Variants in RAD17 observed in about 807,000 individuals in gnomAD.
RAD17 encodes cell cycle checkpoint protein RAD17.
A neutral mutation model predicts 81.5 loss-of-function variants in RAD17; 31 were observed. That is an observed-to-expected ratio of 0.38 (90% CI 0.29 to 0.51). RAD17 has a LOEUF of 0.51. RAD17 is among the 20% of genes least tolerant of loss of function. RAD17 has a pLI of 0.88. For synonymous variants in RAD17, 261 were observed against 266.2 expected, an observed-to-expected ratio of 0.98 and a Z score of 0.19; for missense variants, 681 against 781.2, an observed-to-expected ratio of 0.87 and a Z score of 1.53.
chr5:69,381,710 A>G (rs553420662), intron 6 of RAD17, among the ~76,000 whole-genome samples, 191 bp from the exon 7 acceptor site: 4 of 152,248 alleles, frequency 2.6e-5, no homozygotes, highest in African/African-American at 9.6e-5. Flanking sequence ...GGGGGGAAAA[A>G]GGCAATTTTT....
chr5:69,389,193 TTCTC>T, intron 12 of RAD17, 48 bp downstream of exon 12: 1 of 1,119,802 alleles, frequency 8.9e-7, no homozygotes, highest in Non-Finnish European at 1.3e-6. Flanking sequence ...GTGACTGACT[TTCTC>T]TTAATTCATT....
At chr5:69,384,689 T>C (rs1202339282) in intron 7 of RAD17, 108 bp from the exon 8 acceptor site, 2 of 1,006,366 alleles carry the variant, frequency 2.0e-6, no homozygotes, top group Non-Finnish European at 2.8e-6. Flanking sequence ...TGGGAAATAG[T>C]CTACAGTATT....
In RAD17 at chr5:69,373,715, TTA is replaced by T. The variant is rs373773959; in HGVS notation, c.10-114_10-113del. The T allele has an allele frequency of 1.1e-3, 179 of 166,846 alleles. 2 individuals carry two copies. Among genetic ancestry groups the T allele is most frequent in the African/African-American group, 3.9e-3 (66 of 16,774 alleles). The allele number at this position is 166,846 out of a possible 1,614,324, so 10.3% of individuals were successfully genotyped here. A position where few individuals can be genotyped will look rare whatever the true frequency, so the allele number is the denominator to read the frequency against. Reference sequence around the variant, plus strand: ...TTTTTTTTTTTTTTTTTTTTTTTTTTTAAGTTTTAAAGGTTATAAATATATGA... The same window carrying T: ...TTTTTTTTTTTTTTTTTTTTTTTTTTAGTTTTAAAGGTTATAAATATATGA... On this transcript the variant is annotated intron_variant, in intron 4 of 18. Coordinates refer to ENST00000354868, the MANE Select transcript of RAD17 (RefSeq NM_133338.3).
intron 7 of RAD17, among the ~76,000 whole-genome samples, chr5:69,382,304 G>A (rs17229894): frequency 0.021 from 3,257 of 152,186 alleles, 44 homozygotes; most frequent in Non-Finnish European, 0.029. Context: ...AAATCAGCTA[G>A]GTATAGTGTT....
rs745738529 is a variant in RAD17 at position 69,391,816 on chromosome 5, A to T, written c.1007-15A>T. ...TTTTAATTTAAATATTGTCACTTGG[A>T]TGTATATTATTCAGGAGAAAACAAC... is the stretch of plus-strand genomic sequence containing the variant. On this transcript the variant is annotated splice_polypyrimidine_tract_variant and intron_variant, in intron 12 of 18. Coordinates refer to ENST00000354868, the MANE Select transcript of RAD17 (RefSeq NM_133338.3). The T allele has an allele frequency of 2.1e-6, 3 of 1,437,486 alleles. No homozygotes were observed. In the East Asian group the frequency reaches 7.6e-5, roughly 37 times the overall value. 89.0% of individuals were successfully genotyped at this position (1,437,486 alleles called of 1,614,324 possible). A position where few individuals can be genotyped will look rare whatever the true frequency, so the allele number is the denominator to read the frequency against.
At chr5:69,385,266 C>CT (rs35876455) in intron 8 of RAD17, among the ~76,000 whole-genome samples, 34,576 of 102,286 alleles carry the variant, frequency 0.34, 7,297 homozygotes, top group Non-Finnish European at 0.46. Flanking sequence ...GGCCTAAAAT[C>CT]TTTTTTTTTT....
At chr5:69,412,530 G>C (rs1292585554) in intron 18 of RAD17, among the ~76,000 whole-genome samples, 1 of 152,014 alleles carries the variant, frequency 6.6e-6, no homozygotes, top group African/African-American at 2.4e-5. Flanking sequence ...AAATGAAATT[G>C]CTGGATCAAT....
intron 6 of RAD17, among the ~76,000 whole-genome samples, chr5:69,379,991 T>A (rs1336431402): frequency 2.6e-5 from 4 of 151,942 alleles, no homozygotes; most frequent in African/African-American, 9.7e-5. Context: ...AGCGATTTTC[T>A]TGCCTCAGCC....
intron 15 of RAD17, among the ~76,000 whole-genome samples, 154 bp downstream of exon 15, chr5:69,393,654 A>G (rs529355360): frequency 1.3e-5 from 2 of 152,334 alleles, no homozygotes; most frequent in Non-Finnish European, 1.5e-5. Context: ...AGTGTTTATA[A>G]TGAAGCTTCA....
intron 6 of RAD17, among the ~76,000 whole-genome samples, chr5:69,375,346 T>A (rs1447290356): frequency 6.6e-6 from 1 of 152,180 alleles, no homozygotes; most frequent in African/African-American, 2.4e-5. Context: ...TTAGTTTCTC[T>A]ACTAAATATA....
chr5:69,385,817 A>G (rs532061155), intron 8 of RAD17, among the ~76,000 whole-genome samples: 1 of 152,306 alleles, frequency 6.6e-6, no homozygotes, highest in Admixed American at 6.5e-5. Flanking sequence ...TTCCTAGTGA[A>G]AATACTGTAA....
At chr5:69,413,931 T>G in intron 18 of RAD17, 100 bp from the exon 19 acceptor site, 6 of 1,394,352 alleles carry the variant, frequency 4.3e-6, no homozygotes, top group Non-Finnish European at 4.9e-6. Flanking sequence ...CAGCACAATG[T>G]AGGTAAATGA....
At chr5:69,382,544 G>A (rs573307749) in intron 7 of RAD17, among the ~76,000 whole-genome samples, 50 of 152,304 alleles carry the variant, frequency 3.3e-4, no homozygotes, top group African/African-American at 1.1e-3. Flanking sequence ...TAACTGTTTT[G>A]TTAACATATT....
At chr5:69,388,086 T>C (rs1714154173) in intron 11 of RAD17, among the ~76,000 whole-genome samples, 1 of 152,208 alleles carries the variant, frequency 6.6e-6, no homozygotes, top group African/African-American at 2.4e-5. Flanking sequence ...GGTGCATGCC[T>C]GTAGTCCCAG....
At chr5:69,390,568 T>C (rs927643675) in intron 12 of RAD17, among the ~76,000 whole-genome samples, 3 of 152,180 alleles carry the variant, frequency 2.0e-5, no homozygotes, top group Admixed American at 6.5e-5. Flanking sequence ...TAAACATAGA[T>C]TGCAGAACCA....
chr5:69,385,365 T>C (rs1042614121), intron 8 of RAD17, among the ~76,000 whole-genome samples: 1 of 148,646 alleles, frequency 6.7e-6, no homozygotes, highest in Non-Finnish European at 1.5e-5. Flanking sequence ...GCCTCCTGGG[T>C]TGAAACAATT....
At position 69,410,392 on chromosome 5, in the gene RAD17, C is replaced by T. The variant is rs151072740; in HGVS notation, c.1694-101C>T. On this transcript the variant is annotated intron_variant, in intron 17 of 18. Coordinates refer to ENST00000354868, the MANE Select transcript of RAD17 (RefSeq NM_133338.3). ...CTCACTATGGCTTGGATTTGCATTTCTCTAAAGATTAGTGATGTTCAGCAT... is the reference window on the plus strand; with the variant it reads ...CTCACTATGGCTTGGATTTGCATTTTTCTAAAGATTAGTGATGTTCAGCAT... The T allele has an allele frequency of 2.4e-4, 210 of 871,972 alleles. No homozygotes were observed. In the African/African-American group the frequency reaches 3.2e-3, roughly 13 times the overall value. 54.0% of individuals were successfully genotyped at this position (871,972 alleles called of 1,614,324 possible).
chr5:69,378,094 C>G (rs189071031), intron 6 of RAD17, among the ~76,000 whole-genome samples: 2 of 152,268 alleles, frequency 1.3e-5, no homozygotes, highest in African/African-American at 2.4e-5. Context: ...CACACCATGC[C>G]TGGCCCAAAT....
intron 6 of RAD17, among the ~76,000 whole-genome samples, chr5:69,379,747 C>T (rs1561242720): frequency 1.3e-5 from 2 of 152,152 alleles, no homozygotes; most frequent in African/African-American, 2.4e-5. Context: ...ATAGCACTGT[C>T]TTCCACCTCT....
Sources: allele counts gnomAD v4.1 joint callset (sites outside exome capture counted in the v4.1 genomes callset), GRCh38; gene constraint gnomAD v4.1.1; transcripts MANE v1.5; gene names NCBI Gene and HGNC (gene_info 2026-07-23, HGNC 2026-07-21).